ADARB2: variants seen among roughly 807,000 people sequenced by gnomAD.
ADARB2 encodes the protein inactive double-stranded RNA-specific editase B2.
A neutral mutation model predicts 62.2 loss-of-function variants in ADARB2; 25 were observed. The ratio of observed to expected loss-of-function variants is 0.40; its 90% CI spans 0.29 to 0.56. The LOEUF (loss-of-function observed/expected upper bound fraction) is 0.56, where lower values mean the gene tolerates loss of function less well. Among genes scored for constraint, ADARB2 ranks in the 20% least tolerant of loss-of-function variants. ADARB2 has a pLI of 0.43. For synonymous variants in ADARB2, 572 were observed against 500.8 expected, an observed-to-expected ratio of 1.14 and a Z score of -1.90; for missense variants, 1,071 against 1,077.4, an observed-to-expected ratio of 0.99 and a Z score of 0.08.
intron 1 of ADARB2, among the ~76,000 whole-genome samples, chr10:1,514,195 A>ATATATATATATATATATG (rs1564313950): frequency 7.4e-6 from 1 of 135,986 alleles, no homozygotes; most frequent in Non-Finnish European, 1.6e-5. Flanking sequence ...ATATATATAT[A>ATATATATATATATATATG]TGTATATTAT....
chr10:1,711,893 T>C (rs997333479), intron 1 of ADARB2, among the ~76,000 whole-genome samples: 11 of 152,302 alleles, frequency 7.2e-5, no homozygotes, highest in African/African-American at 2.6e-4. Flanking sequence ...TAGAATTTCA[T>C]ACAACTCTGA....
chr10:1,332,860 C>T (rs1313833084), intron 3 of ADARB2, among the ~76,000 whole-genome samples: 4 of 152,238 alleles, frequency 2.6e-5, no homozygotes, highest in African/African-American at 9.6e-5. Flanking sequence ...AAGAATTTCT[C>T]TGATTACATT....
intron 1 of ADARB2, among the ~76,000 whole-genome samples, chr10:1,510,144 CTTTCTTTCTTTCTT>C (rs1831914946): frequency 8.0e-6 from 1 of 125,184 alleles, no homozygotes; most frequent in African/African-American, 3.1e-5. Context: ...TTCTTTCTTT[CTTTCTTTCTTTCTT>C]TCTTTCTTTC....
At chr10:1,291,306 GA>G (rs1831463957) in intron 3 of ADARB2, 1 of 152,206 alleles carries the variant, frequency 6.6e-6, no homozygotes, top group African/African-American at 2.4e-5. Flanking sequence ...TCCCTATCCT[GA>G]AAGCAGGATC....
intron 1 of ADARB2, among the ~76,000 whole-genome samples, chr10:1,659,081 A>C (rs1349866709): frequency 6.6e-6 from 1 of 152,228 alleles, no homozygotes; most frequent in South Asian, 2.1e-4. Flanking sequence ...CTAATTAAAA[A>C]ATTGCTAATT....
rs1029315542 is a variant in ADARB2, at chr10:1,698,424, T to C, written c.100+38627A>G. 2.4e-4 allele frequency among the ~76,000 whole-genome samples: 37 copies of C among 152,144 alleles called. 2 individuals carry two copies. The highest frequency in any genetic ancestry group is 1.3e-4 in the Admixed American group (2 of 15,280). Reference sequence around the variant, plus strand: ...GACCTCCGATGTCATGCACAGAGCATGGGGGAGAGACATACGCTTCCTCTT... The same window carrying C: ...GACCTCCGATGTCATGCACAGAGCACGGGGGAGAGACATACGCTTCCTCTT... On this transcript the variant is annotated intron_variant, in intron 1 of 9. Transcript: ENST00000381312.
At chr10:1,658,383 A>T in intron 1 of ADARB2, among the ~76,000 whole-genome samples, 1 of 143,534 alleles carries the variant, frequency 7.0e-6, no homozygotes, top group South Asian at 2.3e-4. Context: ...CTCTCTGTGT[A>T]TCTCTTGTCT....
Position 1,379,088 on chromosome 10 carries a change from T to A in ADARB2, c.173A>T (p.Asp58Val). The stretch of plus-strand genomic sequence containing the variant: ...AAGTTGCTTACTGAGGGTGTCGTCA[T>A]CCTCCGTGTTTGTGATGCCAGGACT... ...HLSPGITNTE[D>V]DDTLSTSSAE... The change falls in exon 2 of 10, where the codon GAT becomes GTT. Residue 58 changes from aspartate to valine, a missense_variant. Transcript: ENST00000381312. The A allele has an allele frequency of 6.2e-7, 1 of 1,613,478 alleles. No individual in the cohort carries two copies. Among genetic ancestry groups the A allele is most frequent in the Non-Finnish European group, 8.5e-7 (1 of 1,179,518 alleles).
chr10:1,197,450 T>C (rs1217430078), intron 8 of ADARB2, among the ~76,000 whole-genome samples: 2 of 152,376 alleles, frequency 1.3e-5, no homozygotes, highest in South Asian at 4.1e-4. Context: ...ATGGTTTTGC[T>C]GTGAAACATG....
rs185646736 is a variant in ADARB2, at chr10:1,442,594, C to T, written c.101-63434G>A. Among the ~76,000 whole-genome samples the T allele has an allele frequency of 3.9e-5, 6 of 152,196 alleles. No homozygotes were observed. The East Asian group carries it at 5.8e-4, about 15-fold the overall frequency. On this transcript the variant is annotated intron_variant, in intron 1 of 9. Coordinates refer to ENST00000381312, the MANE Select transcript of ADARB2 (RefSeq NM_018702.4). ...TTCCAGGCTCACCCAAGTGCTACCC[C>T]GACAATAAACATTCTTATAAAATGA...
intron 1 of ADARB2, among the ~76,000 whole-genome samples, chr10:1,402,638 C>T (rs921081328): frequency 5.9e-5 from 9 of 152,156 alleles, no homozygotes; most frequent in African/African-American, 1.9e-4. Flanking sequence ...GGAGAGTCAT[C>T]CTGCCTTCCT....
chr10:1,234,700 C>T lies in ADARB2; in HGVS notation c.1362-855G>A, dbSNP rs114173318. ...CAAGCGATCCACTTGCCCCAGGCTCCGAAAGTGCTGGGATTACAGGTGCGA... is the reference window on the plus strand; with the variant it reads ...CAAGCGATCCACTTGCCCCAGGCTCTGAAAGTGCTGGGATTACAGGTGCGA... On this transcript the variant is annotated intron_variant, in intron 5 of 9. Transcript: ENST00000381312. 6.8e-5 allele frequency among the ~76,000 whole-genome samples: 10 copies of T among 148,072 alleles called. No individual in the cohort carries two copies. In the East Asian group the frequency reaches 1.2e-3, roughly 18 times the overall value.
chr10:1,473,994 C>G (rs930774739), intron 1 of ADARB2, among the ~76,000 whole-genome samples: 2 of 150,182 alleles, frequency 1.3e-5, no homozygotes, highest in East Asian at 3.9e-4. Context: ...GCTGAGCCCC[C>G]GGATCACGGG....
At chr10:1,549,819 A>AG (rs1832588900) in intron 1 of ADARB2, among the ~76,000 whole-genome samples, 1 of 152,116 alleles carries the variant, frequency 6.6e-6, no homozygotes, top group Non-Finnish European at 1.5e-5. Flanking sequence ...CCTTCCTTCC[A>AG]GCCAACTGCG....
chr10:1,179,082 A>G lies in ADARB2; in HGVS notation c.*4111T>C, dbSNP rs1836627976. 6.6e-6 allele frequency: 1 copy of G among 152,200 alleles called. No homozygotes were observed. The allele number at this position is 152,200 out of a possible 1,614,324, so 9.4% of individuals were successfully genotyped here. On this transcript the variant is annotated 3_prime_UTR_variant, in exon 10 of 10. Coordinates refer to ENST00000381312, the MANE Select transcript of ADARB2 (RefSeq NM_018702.4). Reference sequence around the variant, plus strand: ...TCAAATGTCTTCAGTTGTTTTAAACAATACACTATAGACACATCTTGAAAT... The same window carrying G: ...TCAAATGTCTTCAGTTGTTTTAAACGATACACTATAGACACATCTTGAAAT...
chr10:1,362,918 G>A (rs755055839), intron 3 of ADARB2, 110 bp downstream of exon 3: 1 of 1,033,420 alleles, frequency 9.7e-7, no homozygotes. Flanking sequence ...CGCTCCACGC[G>A]GCCTCTCCTT....
chr10:1,659,123 C>G (rs1834210978), intron 1 of ADARB2, among the ~76,000 whole-genome samples: 1 of 126,388 alleles, frequency 7.9e-6, no homozygotes, highest in African/African-American at 3.1e-5. Flanking sequence ...AACTGCTCAG[C>G]TATAAAGTAG....
rs111762175 is a variant in ADARB2 at position 1,448,317 on chromosome 10, A to G, written c.101-69157T>C. Among the ~76,000 whole-genome samples, 409 of 152,302 alleles carry G rather than the reference A, an allele frequency of 2.7e-3. 3 individuals carry two copies. The highest frequency in any genetic ancestry group is 9.1e-3 in the African/African-American group (380 of 41,566). The stretch of plus-strand genomic sequence containing the variant: ...GACACAGGGTATGGCTCCCTTTGAT[A>G]TTTAAATGTTAAGTGTCTACTCCAA... On this transcript the variant is annotated intron_variant, in intron 1 of 9. Transcript: ENST00000381312.
intron 1 of ADARB2, among the ~76,000 whole-genome samples, chr10:1,514,178 A>ATATATATATATATATATAT (rs1831976214): frequency 4.2e-5 from 4 of 94,158 alleles, no homozygotes; most frequent in African/African-American, 1.4e-4. Context: ...GCTGTCTCAA[A>ATATATATATATATATATAT]ATATATATAT....
Sources: allele counts gnomAD v4.1 joint callset (sites outside exome capture counted in the v4.1 genomes callset), GRCh38; gene constraint gnomAD v4.1.1; transcripts MANE v1.5; gene names NCBI Gene and HGNC (gene_info 2026-07-23, HGNC 2026-07-21).